The following EIF4G3 variants were observed in gnomAD, a reference collection of about 807,000 sequenced individuals.
The protein encoded by EIF4G3 is eukaryotic translation initiation factor 4 gamma 3, also known as eIF-4-gamma 3.
EIF4G3 carries 34 observed loss-of-function variants against 186.4 expected under a neutral mutation model. That is an observed-to-expected ratio of 0.18 (90% CI 0.14 to 0.24). The LOEUF is 0.24. Ranked by LOEUF, EIF4G3 falls within the 10% of genes least tolerant of loss-of-function variation. The probability of loss-of-function intolerance (pLI) is 1.00; values close to 1 mark genes in which losing one functional copy is unlikely to be tolerated. For missense variants in EIF4G3, 1,536 were observed against 1,948.5 expected, an observed-to-expected ratio of 0.79 and a Z score of 3.99; for synonymous variants, 673 against 679.5, an observed-to-expected ratio of 0.99 and a Z score of 0.15.
chr1:20,884,875 G>C (rs748029776), intron 19 of EIF4G3, among the ~76,000 whole-genome samples: 2 of 152,174 alleles, frequency 1.3e-5, no homozygotes, highest in Non-Finnish European at 2.9e-5. Context: ...TTTGGCACTA[G>C]GAACTGGTTT....
intron 20 of EIF4G3, among the ~76,000 whole-genome samples, chr1:20,870,321 A>G (rs879447258): frequency 5.3e-5 from 8 of 152,150 alleles, no homozygotes; most frequent in Admixed American, 2.0e-4. Flanking sequence ...TGTATCTGGC[A>G]TAACAGTATA....
rs750876642 is a variant in EIF4G3 at position 20,893,499 on chromosome 1, T to C, written c.2253+18A>G. On this transcript the variant is annotated intron_variant, in intron 18 of 36. Transcript: ENST00000602326. ...TGCCAGTGTCTAACTAAGTGAGTTG[T>C]AGGGAACTTGCACTTACAGGTACGC... 77 of 1,583,688 alleles carry C rather than the reference T, an allele frequency of 4.9e-5. No homozygotes were observed. The highest frequency in any genetic ancestry group is 1.0e-4 in the Admixed American group (6 of 58,804).
intron 4 of EIF4G3, among the ~76,000 whole-genome samples, chr1:21,028,213 G>A (rs973100229): frequency 3.3e-5 from 5 of 152,156 alleles, no homozygotes; most frequent in African/African-American, 9.7e-5. Flanking sequence ...AAGATGGATC[G>A]TGTGATCACT....
chr1:20,895,223 G>A lies in EIF4G3; in HGVS notation c.2133+145C>T, dbSNP rs1468837506. On this transcript the variant is annotated intron_variant, in intron 17 of 36. Transcript: ENST00000602326. ...GAAACTCAAAATCCAACAGTGTTTA[G>A]GGAAACAAATTCTTAAACATTAGAT... 13 of 982,290 alleles carry A rather than the reference G, an allele frequency of 1.3e-5. No individual in the cohort carries two copies. In the Admixed American group the frequency reaches 2.6e-4, roughly 20 times the overall value. 60.8% of individuals were successfully genotyped at this position (982,290 alleles called of 1,614,324 possible). A position where few individuals can be genotyped will look rare whatever the true frequency, so the allele number is the denominator to read the frequency against.
chr1:20,863,085 G>C (rs1387919362), intron 22 of EIF4G3, among the ~76,000 whole-genome samples: 1 of 151,966 alleles, frequency 6.6e-6, no homozygotes, highest in Non-Finnish European at 1.5e-5. Flanking sequence ...CACTGTGCCC[G>C]GCCATATGGT....
chr1:21,062,122 G>A lies in EIF4G3; in HGVS notation c.-195-11128C>T, dbSNP rs76297243. Among the ~76,000 whole-genome samples, 1,214 of 151,918 alleles carry A rather than the reference G, an allele frequency of 8.0e-3. 12 individuals are homozygous for A. Among genetic ancestry groups the A allele is most frequent in the African/African-American group, 0.028 (1,163 of 41,426 alleles). On this transcript the variant is annotated intron_variant, in intron 3 of 36. Transcript: ENST00000602326. ...CACTCAGGCTGAAGCATAGTAGTGC[G>A]ATCATAGCCCACTGCAACCTCAAAC...
intron 13 of EIF4G3, among the ~76,000 whole-genome samples, chr1:20,948,019 T>G (rs935378608): frequency 6.6e-6 from 1 of 152,184 alleles, no homozygotes; most frequent in African/African-American, 2.4e-5. Context: ...ACTATCATCA[T>G]CAAAGTATGT....
chr1:20,873,396 T>C (rs190452850), intron 20 of EIF4G3, among the ~76,000 whole-genome samples: 1 of 152,338 alleles, frequency 6.6e-6, no homozygotes, highest in African/African-American at 2.4e-5. Flanking sequence ...GAAATGCTAG[T>C]TATGGCAGAA....
Position 20,886,288 on chromosome 1 carries a change from A to C in EIF4G3, c.2337T>G (p.Asp779Glu), listed in dbSNP as rs757476528. ...CATTTTCTGCCTTTTTCAGGTGTAC[A>C]TCTTCTTTTACAGAAACTGTGATGA... ...RKIITVSVKEDVHLKKAENAW... is the reference protein window; with the variant it reads ...RKIITVSVKEEVHLKKAENAW... The change falls in exon 19 of 37, where the codon GAT becomes GAG. Residue 779 changes from aspartate (D) to glutamate (E), a missense_variant. By Grantham distance (45) the Asp-to-Glu change is conservative. Transcript: ENST00000602326. The C allele has an allele frequency of 6.2e-7, 1 of 1,613,958 alleles. No individual in the cohort carries two copies. The highest frequency in any genetic ancestry group is 1.7e-5 in the Admixed American group (1 of 60,002).
chr1:20,844,683 T>C (rs568564944), intron 29 of EIF4G3, among the ~76,000 whole-genome samples: 4 of 152,190 alleles, frequency 2.6e-5, no homozygotes, highest in African/African-American at 9.6e-5. Context: ...ATACAAAAAA[T>C]TAGCTGGGTG....
chr1:21,129,008 T>C (rs919986801), intron 2 of EIF4G3, among the ~76,000 whole-genome samples: 2 of 151,964 alleles, frequency 1.3e-5, no homozygotes, highest in Non-Finnish European at 2.9e-5. Flanking sequence ...GAGAAAGAGA[T>C]GGTCGGTTGT....
chr1:21,170,991 T>A (rs1558296711), intron 2 of EIF4G3, among the ~76,000 whole-genome samples: 5 of 149,020 alleles, frequency 3.4e-5, no homozygotes, highest in African/African-American at 4.9e-5. Flanking sequence ...AAAAATAAAT[T>A]AAAAAAAAAA....
intron 36 of EIF4G3, among the ~76,000 whole-genome samples, chr1:20,808,858 T>C (rs2058666741): frequency 6.6e-6 from 1 of 152,218 alleles, no homozygotes; most frequent in Non-Finnish European, 1.5e-5. Flanking sequence ...TTATCATATA[T>C]AATAAGTTAT....
At chr1:20,815,515 G>A (rs919216794) in intron 34 of EIF4G3, among the ~76,000 whole-genome samples, 3 of 149,798 alleles carry the variant, frequency 2.0e-5, no homozygotes, top group African/African-American at 7.4e-5. Flanking sequence ...CGGCCGCCCC[G>A]TCTGAGAAGT....
At chr1:20,970,417 G>C (rs539986372) in intron 11 of EIF4G3, among the ~76,000 whole-genome samples, 38 of 150,814 alleles carry the variant, frequency 2.5e-4, no homozygotes, top group Admixed American at 2.5e-3. Flanking sequence ...ATCAAGACCA[G>C]CCTGGCTAAC....
intron 14 of EIF4G3, among the ~76,000 whole-genome samples, chr1:20,907,499 T>C (rs543625986): frequency 1.3e-5 from 2 of 151,852 alleles, no homozygotes; most frequent in South Asian, 4.2e-4. Context: ...CATTAACTCG[T>C]CATTTAGCAT....
chr1:21,020,173 G>T (rs2090329384), intron 4 of EIF4G3, among the ~76,000 whole-genome samples: 1 of 152,082 alleles, frequency 6.6e-6, no homozygotes, highest in African/African-American at 2.4e-5. Context: ...AGGCTTTGAG[G>T]CCCAGACAAC....
intron 17 of EIF4G3, among the ~76,000 whole-genome samples, chr1:20,894,223 A>G (rs1386415045): frequency 4.6e-5 from 7 of 152,244 alleles, no homozygotes; most frequent in African/African-American, 9.6e-5. Flanking sequence ...CATAAAGTTA[A>G]GCAGATCAGT....
chr1:20,973,322 A>T (rs2076249747), intron 10 of EIF4G3, among the ~76,000 whole-genome samples: 1 of 152,250 alleles, frequency 6.6e-6, no homozygotes, highest in Non-Finnish European at 1.5e-5. Context: ...AACATCCAAT[A>T]TGAAAACCAC....
Sources: gnomAD v4.1 joint callset for allele counts (sites outside exome capture counted in the v4.1 genomes callset) on GRCh38, gnomAD v4.1.1 for gene constraint, MANE v1.5 for transcripts, NCBI Gene and HGNC (gene_info 2026-07-23, HGNC 2026-07-21) for gene names.